PDE1A: variants seen among roughly 807,000 people sequenced by gnomAD.
PDE1A encodes phosphodiesterase 1A, also known as dual specificity calcium/calmodulin-dependent 3',5'-cyclic nucleotide phosphodiesterase 1A.
PDE1A carries 35 observed loss-of-function variants against 61.7 expected under a neutral mutation model. The ratio of observed to expected loss-of-function variants is 0.57; its 90% CI spans 0.43 to 0.75. The LOEUF (loss-of-function observed/expected upper bound fraction) is 0.75. Among genes scored for constraint, PDE1A ranks in the 30% least tolerant of loss-of-function variants. The probability of loss-of-function intolerance (pLI) is 0.00; values close to 1 mark genes in which losing one functional copy is unlikely to be tolerated. For synonymous variants in PDE1A, 232 were observed against 213.2 expected (o/e 1.09, Z -0.77); for missense variants, 597 against 630.6 (o/e 0.95, Z 0.57).
chr2:182,322,032 G>A (rs895725301), intron 1 of PDE1A, among the ~76,000 whole-genome samples: 5 of 152,184 alleles, frequency 3.3e-5, no homozygotes, highest in Non-Finnish European at 5.9e-5. Context: ...GTCCCTAATC[G>A]TTGGAAATAA....
At chr2:182,302,794 G>GT (rs150167254) in intron 1 of PDE1A, among the ~76,000 whole-genome samples, 2,896 of 150,148 alleles carry the variant, frequency 0.019, 83 homozygotes, top group African/African-American at 0.067. Flanking sequence ...TACCAACTAA[G>GT]TTTTTTTTTT....
At chr2:182,475,185 C>T (rs1687274798) in intron 2 of PDE1A, among the ~76,000 whole-genome samples, 1 of 151,912 alleles carries the variant, frequency 6.6e-6, no homozygotes, top group African/African-American at 2.4e-5. Context: ...AGCATGGCAA[C>T]AATGGACTTC....
At chr2:182,295,318 C>A (rs150488842) in intron 1 of PDE1A, among the ~76,000 whole-genome samples, 2,279 of 152,020 alleles carry the variant, frequency 0.015, 35 homozygotes, top group African/African-American at 0.029. Flanking sequence ...TCATGATCCA[C>A]CCGCCTCGGC....
At chr2:182,194,912 C>G (rs1686012532) in intron 10 of PDE1A, among the ~76,000 whole-genome samples, 1 of 149,836 alleles carries the variant, frequency 6.7e-6, no homozygotes. Context: ...CACACACACA[C>G]ACACACGAAC....
chr2:182,646,408 A>T, the PDE1A span, among the ~76,000 whole-genome samples: 6 of 145,750 alleles, frequency 4.1e-5, no homozygotes, highest in African/African-American at 1.5e-4. Context: ...AAAAAAAAAA[A>T]GCCATACGCG....
chr2:182,207,732 T>C (rs1417210261), intron 7 of PDE1A, among the ~76,000 whole-genome samples: 3 of 152,214 alleles, frequency 2.0e-5, no homozygotes, highest in East Asian at 1.9e-4. Context: ...GAGACCTTCA[T>C]GGCAGCCCCT....
chr2:182,493,995 TGG>T (rs1412068982), intron 2 of PDE1A, among the ~76,000 whole-genome samples: 2 of 152,206 alleles, frequency 1.3e-5, no homozygotes, highest in Non-Finnish European at 2.9e-5. Flanking sequence ...TTCCAGATCA[TGG>T]CATGTGAACA....
the PDE1A span, among the ~76,000 whole-genome samples, chr2:182,585,393 T>A: frequency 1.3e-5 from 2 of 152,208 alleles, no homozygotes; most frequent in Admixed American, 6.5e-5. Context: ...CCATTAAAAT[T>A]CACATATAAA....
the PDE1A span, among the ~76,000 whole-genome samples, chr2:182,595,151 T>C: frequency 6.6e-6 from 1 of 152,166 alleles, no homozygotes; most frequent in Non-Finnish European, 1.5e-5. Context: ...TTTCACAGTG[T>C]TCTCAGGGAT....
At chr2:182,426,705 G>T in exon 1 of PDE1A, 1 of 1,608,074 alleles carries the variant, frequency 6.2e-7, no homozygotes, top group South Asian at 1.1e-5. Flanking sequence ...AGCTTATCCT[G>T]ATCTATTGTG....
At chr2:182,239,808 T>C (rs537521932) in intron 3 of PDE1A, among the ~76,000 whole-genome samples, 24 of 152,342 alleles carry the variant, frequency 1.6e-4, no homozygotes, top group Admixed American at 5.9e-4. Flanking sequence ...AACATATACA[T>C]GTGTCAGAAT....
At chr2:182,523,856 G>T (rs1281353138), upstream of PDE1A, among the ~76,000 whole-genome samples, 1 of 152,052 alleles carries the variant, frequency 6.6e-6, no homozygotes, top group Non-Finnish European at 1.5e-5. Context: ...AAATTACTAT[G>T]TCTATACAAA....
chr2:182,363,153 G>A (rs145639145), intron 1 of PDE1A, among the ~76,000 whole-genome samples: 1,874 of 152,000 alleles, frequency 0.012, 24 homozygotes, highest in South Asian at 0.049. Context: ...CTGTACAACA[G>A]ATCTCCATGA....
At chr2:182,489,060 G>A (rs1017020475) in intron 2 of PDE1A, among the ~76,000 whole-genome samples, 3 of 152,188 alleles carry the variant, frequency 2.0e-5, no homozygotes, top group South Asian at 2.1e-4. Flanking sequence ...TGATATTGGG[G>A]GAGCTATTTT....
the PDE1A span, among the ~76,000 whole-genome samples, chr2:182,645,708 GA>G: frequency 7.9e-5 from 12 of 151,820 alleles, no homozygotes; most frequent in African/African-American, 2.2e-4. Flanking sequence ...CTAATGAAAA[GA>G]AAAAAAATTA....
intron 1 of PDE1A, among the ~76,000 whole-genome samples, chr2:182,401,664 A>C (rs888002209): frequency 6.6e-6 from 1 of 152,230 alleles, no homozygotes; most frequent in Non-Finnish European, 1.5e-5. Context: ...TAGTGTTGAA[A>C]GTTCTGGCCA....
the PDE1A span, among the ~76,000 whole-genome samples, chr2:182,621,175 T>C: frequency 6.6e-6 from 1 of 152,168 alleles, no homozygotes; most frequent in Non-Finnish European, 1.5e-5. Flanking sequence ...GATCCCTTTC[T>C]ATCTTGGGTT....
chr2:182,639,185 G>A, the PDE1A span, among the ~76,000 whole-genome samples: 6 of 152,232 alleles, frequency 3.9e-5, no homozygotes, highest in African/African-American at 1.2e-4. Flanking sequence ...ATCAGAAGGC[G>A]AAAATACAAG....
chr2:182,619,807 T>C, the PDE1A span, among the ~76,000 whole-genome samples: 1,303 of 152,258 alleles, frequency 8.6e-3, 21 homozygotes, highest in African/African-American at 0.03. Flanking sequence ...AGGCATGTAT[T>C]GCTCACAGTT....
Sources: gnomAD v4.1 joint callset for allele counts (sites outside exome capture counted in the v4.1 genomes callset) on GRCh38, gnomAD v4.1.1 for gene constraint, MANE v1.5 for transcripts, NCBI Gene and HGNC (gene_info 2026-07-23, HGNC 2026-07-21) for gene names.